DMXL1: variants seen among roughly 807,000 people sequenced by gnomAD.
DMXL1 encodes the protein Dmx like 1, also known as dmX-like protein 1.
Under a neutral mutation model 319.2 loss-of-function variants are expected in DMXL1, and 99 were observed. That is an observed-to-expected ratio of 0.31 (90% CI 0.26 to 0.37). The LOEUF (loss-of-function observed/expected upper bound fraction) is 0.37. Ranked by LOEUF, DMXL1 falls within the 10% of genes least tolerant of loss-of-function variation. The probability of loss-of-function intolerance (pLI) is 1.00; values close to 1 mark genes in which losing one functional copy is unlikely to be tolerated. For missense variants in DMXL1, 3,745 were observed against 3,595.6 expected, an observed-to-expected ratio of 1.04 and a Z score of -1.06; for synonymous variants, 1,385 against 1,235.2, an observed-to-expected ratio of 1.12 and a Z score of -2.54.
In DMXL1 at chr5:119,098,555, A is replaced by C. The variant is rs1756512685; in HGVS notation, c.213+451A>C. 2.0e-5 allele frequency among the ~76,000 whole-genome samples: 3 copies of C among 152,168 alleles called. No homozygotes were observed. In the East Asian group the frequency reaches 5.8e-4, roughly 29 times the overall value. ...ATGAAAAACTCTTTGAGAGTTTATA[A>C]TATTCTAAGCCCATAAGAAAAGTGA... On this transcript the variant is annotated intron_variant, in intron 2 of 43. Transcript: ENST00000539542.
rs1333116544 is a variant in DMXL1, at chr5:119,164,495, A to G, written c.4703-12A>G. ...ATAATTCTTATAAACATCATTTTTTACATTTCTTCAGGCCTGTCTACAAGT... is the reference window on the plus strand; with the variant it reads ...ATAATTCTTATAAACATCATTTTTTGCATTTCTTCAGGCCTGTCTACAAGT... On this transcript the variant is annotated splice_polypyrimidine_tract_variant and intron_variant, in intron 19 of 43. Transcript: ENST00000539542. The G allele has an allele frequency of 6.2e-7, 1 of 1,603,362 alleles. No homozygotes were observed. Among genetic ancestry groups the G allele is most frequent in the Admixed American group, 1.7e-5 (1 of 59,092 alleles).
intron 34 of DMXL1, among the ~76,000 whole-genome samples, chr5:119,215,426 G>A (rs1001017231): frequency 6.6e-6 from 1 of 152,066 alleles, no homozygotes; most frequent in African/African-American, 2.4e-5. Context: ...TCGTGCCTCA[G>A]CCACTCAAGT....
At chr5:119,163,451 CTG>C (rs1772699980) in intron 19 of DMXL1, among the ~76,000 whole-genome samples, 1 of 152,198 alleles carries the variant, frequency 6.6e-6, no homozygotes, top group Admixed American at 6.5e-5. Context: ...GAGCCTTACT[CTG>C]TTGCCGAGGC....
At chr5:119,218,827 T>G (rs1342065915) in intron 35 of DMXL1, among the ~76,000 whole-genome samples, 1 of 152,184 alleles carries the variant, frequency 6.6e-6, no homozygotes, top group African/African-American at 2.4e-5. Context: ...TTAAGTTGCA[T>G]TTTTTTAAAT....
intron 38 of DMXL1, among the ~76,000 whole-genome samples, chr5:119,229,019 TAAAAC>T (rs1786140935): frequency 6.6e-6 from 1 of 151,862 alleles, no homozygotes; most frequent in Non-Finnish European, 1.5e-5. Flanking sequence ...ATTATCTTGA[TAAAAC>T]AAAATCTCGG....
chr5:119,143,906 T>C lies in DMXL1; in HGVS notation c.2442T>C (p.Ile814=). ...CAACAGCCAGGCCAGGATGCATTATTGCATTAGATCCCATTACCAAACTTG... is the reference window on the plus strand; with the variant it reads ...CAACAGCCAGGCCAGGATGCATTATCGCATTAGATCCCATTACCAAACTTG... ...QQSTARPGCI[I]ALDPITKLHG... is the part of the protein sequence containing the mutation. The change falls in exon 14 of 44, where the codon ATT becomes ATC. Residue 814 remains isoleucine, a synonymous_variant. Coordinates refer to ENST00000539542, the MANE Select transcript of DMXL1 (RefSeq NM_001290321.3). 6.3e-7 allele frequency: 1 copy of C among 1,586,530 alleles called. No homozygotes were observed. Among genetic ancestry groups the C allele is most frequent in the Non-Finnish European group, 8.6e-7 (1 of 1,166,772 alleles).
intron 13 of DMXL1, among the ~76,000 whole-genome samples, chr5:119,140,611 A>C (rs1301032718): frequency 6.6e-6 from 1 of 152,152 alleles, no homozygotes; most frequent in Non-Finnish European, 1.5e-5. Context: ...TTGAGTCAGT[A>C]ATAAATAGCC....
chr5:119,208,403 A>G (rs1222496934), intron 34 of DMXL1, among the ~76,000 whole-genome samples: 5 of 151,966 alleles, frequency 3.3e-5, no homozygotes, highest in Admixed American at 1.3e-4. Flanking sequence ...TAATAGAGAC[A>G]GGGTTTCTCC....
intron 13 of DMXL1, among the ~76,000 whole-genome samples, chr5:119,142,204 A>C (rs773783214): frequency 6.6e-6 from 1 of 152,196 alleles, no homozygotes; most frequent in Non-Finnish European, 1.5e-5. Context: ...AGGAATGGGC[A>C]GTGATTTCAT....
chr5:119,088,889 A>G (rs761019122), intron 1 of DMXL1, among the ~76,000 whole-genome samples: 1 of 152,118 alleles, frequency 6.6e-6, no homozygotes, highest in Admixed American at 6.6e-5. Context: ...GGGCTTCATA[A>G]TAGAGTTATG....
chr5:119,142,415 C>A (rs10071890), intron 13 of DMXL1, among the ~76,000 whole-genome samples: 24,166 of 147,312 alleles, frequency 0.16, 2,209 homozygotes, highest in Middle Eastern at 0.24. Context: ...CGTGTGGCAA[C>A]AAACATGATA....
chr5:119,115,185 T>A (rs1175029017), intron 6 of DMXL1, among the ~76,000 whole-genome samples: 3 of 152,200 alleles, frequency 2.0e-5, no homozygotes, highest in Non-Finnish European at 2.9e-5. Context: ...AATCGTAGGA[T>A]TAATTTAGAC....
At chr5:119,121,167 T>C (rs774350695) in intron 9 of DMXL1, 28 bp downstream of exon 9, 2 of 1,542,438 alleles carry the variant, frequency 1.3e-6, no homozygotes, top group Non-Finnish European at 1.7e-6. Context: ...AAAACATGTT[T>C]CTGAAATTGA....
At chr5:119,133,097 G>C in intron 10 of DMXL1, 35 bp from the exon 11 acceptor site, 1 of 1,607,930 alleles carries the variant, frequency 6.2e-7, no homozygotes, top group Non-Finnish European at 8.5e-7. Flanking sequence ...TAACCTGTTT[G>C]TATTTACTTG....
Position 119,171,925 on chromosome 5 carries a change from A to G in DMXL1, c.6637A>G (p.Ile2213Val), listed in dbSNP as rs1206645061. ...NLTHDILHAI[I>V]NFDSPPHPDI... ...GACACATGATATTCTCCATGCCATA[A>G]TAAACTTTGATTCACCACCCCACCC... Residue 2213 changes from isoleucine to valine, a missense_variant, in exon 25 of 44, where the codon ATA (isoleucine) becomes GTA (valine). By Grantham distance (29) the Ile-to-Val change is conservative. Around this residue, in one of 4 missense-constraint regions of DMXL1, gnomAD observed 1,382 missense variants for 1,269.5 expected, o/e 1.09. Coordinates refer to ENST00000539542, the MANE Select transcript of DMXL1 (RefSeq NM_001290321.3). 3.1e-6 allele frequency: 5 copies of G among 1,613,592 alleles called. No individual in the cohort carries two copies. The highest frequency in any genetic ancestry group is 1.3e-5 in the African/African-American group (1 of 74,888).
chr5:119,099,197 GTT>G (rs1561574487), intron 2 of DMXL1, among the ~76,000 whole-genome samples: 5 of 37,160 alleles, frequency 1.3e-4, no homozygotes, highest in South Asian at 1.3e-3. Context: ...TTTTTTGTTT[GTT>G]TTTGTTTGTT....
At chr5:119,217,731 G>A (rs1170769552) in intron 35 of DMXL1, among the ~76,000 whole-genome samples, 1 of 152,116 alleles carries the variant, frequency 6.6e-6, no homozygotes, top group African/African-American at 2.4e-5. Flanking sequence ...TAAATGTTAT[G>A]TAGATACATA....
At chr5:119,117,199 A>T (rs559431066) in intron 7 of DMXL1, among the ~76,000 whole-genome samples, 1 of 151,484 alleles carries the variant, frequency 6.6e-6, no homozygotes, top group African/African-American at 2.4e-5. Context: ...GGGCTAATAT[A>T]TTTTTTTCTT....
At chr5:119,085,660 C>A (rs1419898867) in intron 1 of DMXL1, among the ~76,000 whole-genome samples, 2 of 152,052 alleles carry the variant, frequency 1.3e-5, no homozygotes, top group African/African-American at 4.8e-5. Context: ...TTCTTCCTTT[C>A]CAATTTGGTT....
Sources: gnomAD v4.1 joint callset for allele counts (sites outside exome capture counted in the v4.1 genomes callset) on GRCh38, gnomAD v4.1.1 for gene constraint, gnomAD v4.1.1 regional missense constraint, MANE v1.5 for transcripts, NCBI Gene and HGNC (gene_info 2026-07-23, HGNC 2026-07-21) for gene names.